The following TUBGCP6 variants were observed in gnomAD, a reference collection of about 807,000 sequenced individuals.
The protein encoded by TUBGCP6 is gamma-tubulin complex component 6.
A neutral mutation model predicts 175.8 loss-of-function variants in TUBGCP6; 161 were observed. The ratio of observed to expected loss-of-function variants is 0.92; its 90% CI spans 0.81 to 1.04. TUBGCP6 has a LOEUF of 1.04. Among genes scored for constraint, TUBGCP6 ranks in the 50% least tolerant of loss-of-function variants. The pLI is 0.00. For missense variants in TUBGCP6, 2,572 were observed against 2,433.0 expected (o/e 1.06, Z -1.20); for synonymous variants, 1,173 against 1,030.5 (o/e 1.14, Z -2.65).
chr22:50,217,722 C>A lies in TUBGCP6; in HGVS notation c.*14G>T. On this transcript the variant is annotated 3_prime_UTR_variant, in exon 25 of 25. Coordinates refer to ENST00000248846, the MANE Select transcript of TUBGCP6 (RefSeq NM_020461.4). ...GAGAACACCTTTATTGTGCACGTCCCCCGCAGAGCAGCCTCAGGCGTCCTG... is the reference window on the plus strand; with the variant it reads ...GAGAACACCTTTATTGTGCACGTCCACCGCAGAGCAGCCTCAGGCGTCCTG... 2 of 1,612,888 alleles carry A rather than the reference C, an allele frequency of 1.2e-6. No homozygotes were observed. The highest frequency in any genetic ancestry group is 1.7e-6 in the Non-Finnish European group (2 of 1,179,336).
Position 50,218,697 on chromosome 22 carries a change from G to A in TUBGCP6, c.4821+6C>T, listed in dbSNP as rs755407411. Reference sequence around the variant, plus strand: ...CCCATCCCCCGCGGCCAGGGCTGCTGCTGACCTTGTACCTGAGCTCCAGGC... The same window carrying A: ...CCCATCCCCCGCGGCCAGGGCTGCTACTGACCTTGTACCTGAGCTCCAGGC... On this transcript the variant is annotated splice_donor_region_variant and intron_variant, in intron 21 of 24. Coordinates refer to ENST00000248846, the MANE Select transcript of TUBGCP6 (RefSeq NM_020461.4). 3.7e-6 allele frequency: 6 copies of A among 1,613,448 alleles called. No individual in the cohort carries two copies. Among genetic ancestry groups the A allele is most frequent in the African/African-American group, 1.3e-5 (1 of 74,924 alleles).
Position 50,221,604 on chromosome 22 carries a change from C to G in TUBGCP6, c.2755G>C (p.Glu919Gln). Residue 919 changes from glutamate to glutamine, a missense_variant, in exon 16 of 25, where the codon GAG becomes CAG. By Grantham distance (29) the Glu-to-Gln change is conservative. Coordinates refer to ENST00000248846, the MANE Select transcript of TUBGCP6 (RefSeq NM_020461.4). ...AAGTTAATGGTCTGCAGCGCCACCT[C>G]CAGGAGAGGGACCATGCCAGTCTGC... Reference protein sequence around the residue: ...SVQTGMVPLLEVALQTINLDL... With the variant: ...SVQTGMVPLLQVALQTINLDL... The G allele has an allele frequency of 6.4e-7, 1 of 1,562,566 alleles. No homozygotes were observed. The highest frequency in any genetic ancestry group is 8.7e-7 in the Non-Finnish European group (1 of 1,152,462).
chr22:50,222,526 C>G lies in TUBGCP6; in HGVS notation c.2337G>C (p.Leu779=). 1 of 1,613,798 alleles carries G rather than the reference C, an allele frequency of 6.2e-7. No individual in the cohort carries two copies. Among genetic ancestry groups the G allele is most frequent in the Non-Finnish European group, 8.5e-7 (1 of 1,180,046 alleles). Residue 779 remains leucine, a synonymous_variant, in exon 14 of 25, where the codon CTG becomes CTC. Coordinates refer to ENST00000248846, the MANE Select transcript of TUBGCP6 (RefSeq NM_020461.4). ...AEAARREQKA[L]WRIQRHRLES... is the part of the protein sequence containing the mutation. ...CCAGTCGGTGCCTCTGGATTCTCCA[C>G]AGTGCCTTCTGCTCCCGACGAGCTG...
chr22:50,218,608 G>C lies in TUBGCP6; in HGVS notation c.4834C>G (p.Leu1612Val), dbSNP rs1401922008. 2 of 1,613,714 alleles carry C rather than the reference G, an allele frequency of 1.2e-6. No individual in the cohort carries two copies. Among genetic ancestry groups the C allele is most frequent in the Middle Eastern group, 1.6e-4 (1 of 6,062 alleles). Residue 1612 changes from leucine to valine, a missense_variant, in exon 22 of 25, where the codon CTC becomes GTC. By Grantham distance (32) the Leu-to-Val change is conservative. Coordinates refer to ENST00000248846, the MANE Select transcript of TUBGCP6 (RefSeq NM_020461.4). Reference protein sequence around the residue: ...LELRYKVDWPLNIVITEGCVS... With the variant: ...LELRYKVDWPVNIVITEGCVS... ...CAGCCCTCGGTGATGACAATGTTGA[G>C]AGGCCAGTCCACCTGCCAGGAGGCG...
chr22:50,217,814 C>T lies in TUBGCP6; in HGVS notation c.5382G>A (p.Leu1794=), dbSNP rs1243030452. ...GGTGGGGCTGGTAGCCGCGGTTCAC[C>T]AGCTTGGTCACCACTGGGGACCAGC... is the stretch of plus-strand genomic sequence containing the variant. ...SHFLFKVVTK[L]VNRGYQPHLE... is the part of the protein sequence containing the mutation. Residue 1794 remains leucine (L), a synonymous_variant, in exon 25 of 25, where the codon CTG becomes CTA. Coordinates refer to ENST00000248846, the MANE Select transcript of TUBGCP6 (RefSeq NM_020461.4). 1 of 1,613,804 alleles carries T rather than the reference C, an allele frequency of 6.2e-7. No individual in the cohort carries two copies. Among genetic ancestry groups the T allele is most frequent in the Non-Finnish European group, 8.5e-7 (1 of 1,180,008 alleles).
chr22:50,240,989 G>C (rs1193582781), intron 1 of TUBGCP6, among the ~76,000 whole-genome samples: 1 of 152,186 alleles, frequency 6.6e-6, no homozygotes, highest in Non-Finnish European at 1.5e-5. Context: ...ACTGTGGGCA[G>C]CAAGCCACCC....
At chr22:50,243,343 C>G (rs978762838) in intron 1 of TUBGCP6, among the ~76,000 whole-genome samples, 1 of 151,758 alleles carries the variant, frequency 6.6e-6, no homozygotes, top group Non-Finnish European at 1.5e-5. Context: ...GCTACAGCTA[C>G]TCGGGAGGCT....
intron 3 of TUBGCP6, among the ~76,000 whole-genome samples, chr22:50,232,247 T>C (rs1749959307): frequency 1.3e-5 from 2 of 151,098 alleles, no homozygotes; most frequent in Non-Finnish European, 1.5e-5. Flanking sequence ...GCACCTGTAA[T>C]CCCAGCTACT....
intron 1 of TUBGCP6, among the ~76,000 whole-genome samples, chr22:50,241,722 C>A (rs952138364): frequency 2.6e-5 from 4 of 152,192 alleles, no homozygotes; most frequent in Non-Finnish European, 5.9e-5. Flanking sequence ...TGACACGTGA[C>A]CCACGTGACC....
intron 1 of TUBGCP6, among the ~76,000 whole-genome samples, chr22:50,240,997 C>T (rs1467495512): frequency 6.6e-6 from 1 of 152,098 alleles, no homozygotes; most frequent in Non-Finnish European, 1.5e-5. Context: ...CAGCAAGCCA[C>T]CCAGGTGCCG....
In TUBGCP6 at chr22:50,243,892, G is replaced by A. The variant is rs778450757; in HGVS notation, c.568C>T (p.Leu190=). 6.2e-7 allele frequency: 1 copy of A among 1,613,964 alleles called. No homozygotes were observed. Among genetic ancestry groups the A allele is most frequent in the Non-Finnish European group, 8.5e-7 (1 of 1,180,024 alleles). The change falls in exon 1 of 25, where the codon CTG becomes TTG. Residue 190 remains leucine (L), a synonymous_variant. Transcript: ENST00000248846. The stretch of plus-strand genomic sequence containing the variant: ...AATGAGAAGAGCCCGACGGTGGGCA[G>A]GCCAGTGCCTGGAGCAGCCTCCATA... ...QVMEAAPGTG[L]PTVGLFSFGD...
chr22:50,230,585 G>C (rs1393061562), intron 3 of TUBGCP6, among the ~76,000 whole-genome samples: 5 of 146,054 alleles, frequency 3.4e-5, no homozygotes, highest in African/African-American at 1.3e-4. Flanking sequence ...CAGCCTGGGA[G>C]ACAGAGCAAG....
chr22:50,242,798 T>C (rs941873406), intron 1 of TUBGCP6, among the ~76,000 whole-genome samples: 1 of 152,202 alleles, frequency 6.6e-6, no homozygotes, highest in African/African-American at 2.4e-5. Context: ...CTGAGTATTT[T>C]ATTTTGTTTT....
chr22:50,219,381 T>C lies in TUBGCP6; in HGVS notation c.4391A>G (p.Gln1464Arg). 1 of 1,579,894 alleles carries C rather than the reference T, an allele frequency of 6.3e-7. No individual in the cohort carries two copies. The highest frequency in any genetic ancestry group is 8.6e-7 in the Non-Finnish European group (1 of 1,163,834). The stretch of plus-strand genomic sequence containing the variant: ...CACAGCAGTCTCATCAGCGGCAGAC[T>C]GGACCTGGGGGTCCACGGGGAAGGC... ...AFAFPVDPQV[Q>R]SAADETAVQL... Residue 1464 changes from glutamine to arginine, a missense_variant, in exon 19 of 25, where the codon CAG becomes CGG. Transcript: ENST00000248846.
chr22:50,231,375 A>C (rs2064688195), intron 3 of TUBGCP6, among the ~76,000 whole-genome samples: 1 of 151,218 alleles, frequency 6.6e-6, no homozygotes, highest in African/African-American at 2.4e-5. Flanking sequence ...AATCGCTTGA[A>C]CCCAGGAGGC....
In TUBGCP6 at chr22:50,218,023, C is replaced by T. The variant is rs767552248; in HGVS notation, c.5263G>A (p.Ala1755Thr). The change falls in exon 24 of 25, where the codon GCC (alanine) becomes ACC (threonine). Residue 1755 changes from alanine (A) to threonine (T), a missense_variant. Ala to Thr is a moderately conservative substitution (Grantham distance 58). Coordinates refer to ENST00000248846, the MANE Select transcript of TUBGCP6 (RefSeq NM_020461.4). The stretch of plus-strand genomic sequence containing the variant: ...CGCGGGCCCCCAGGGGGCCCCCAGG[C>T]CTGGGAGATGAGCTGGCTGCGGAAC... ...LKFRSQLISQ[A>T]WGPPGGPRGA... 6.2e-7 allele frequency: 1 copy of T among 1,613,234 alleles called. No homozygotes were observed. The highest frequency in any genetic ancestry group is 1.3e-5 in the African/African-American group (1 of 74,924).
At chr22:50,220,124 C>A in intron 16 of TUBGCP6, 109 bp from the exon 17 acceptor site, 1 of 1,549,018 alleles carries the variant, frequency 6.5e-7, no homozygotes, top group Non-Finnish European at 8.8e-7. Context: ...CCCACAGCAG[C>A]CCAGGTCCTG....
Position 50,229,336 on chromosome 22 carries a change from TTC to T in TUBGCP6, c.1290+66_1290+67del, listed in dbSNP as rs2064658946. ...TGGTCCTGCAGAAGGACCTCTGAGA[TTC>T]TCTCTTCCAGGTCGTGTGCACCGTT... is the stretch of plus-strand genomic sequence containing the variant. On this transcript the variant is annotated intron_variant, in intron 4 of 24. Coordinates refer to ENST00000248846, the MANE Select transcript of TUBGCP6 (RefSeq NM_020461.4). 5 of 1,545,652 alleles carry T rather than the reference TTC, an allele frequency of 3.2e-6. No homozygotes were observed. In the East Asian group the frequency reaches 1.1e-4, roughly 35 times the overall value.
At chr22:50,219,880 G>A in intron 17 of TUBGCP6, 77 bp downstream of exon 17, 1 of 1,604,150 alleles carries the variant, frequency 6.2e-7, no homozygotes, top group Non-Finnish European at 8.5e-7. Context: ...TCGCATGTGG[G>A]ACCCACCCGC....
Sources: gnomAD v4.1 joint callset for allele counts (sites outside exome capture counted in the v4.1 genomes callset) on GRCh38, gnomAD v4.1.1 for gene constraint, MANE v1.5 for transcripts, NCBI Gene and HGNC (gene_info 2026-07-23, HGNC 2026-07-21) for gene names.